Variants in ENTPD1 observed in about 807,000 individuals in gnomAD.
ENTPD1 encodes the protein ATP diphosphohydrolase.
ENTPD1 carries 33 observed loss-of-function variants against 57.0 expected under a neutral mutation model. The ratio of observed to expected loss-of-function variants is 0.58; its 90% CI spans 0.44 to 0.77. ENTPD1 has a LOEUF of 0.77. ENTPD1 is among the 30% of genes least tolerant of loss of function. The pLI is 0.00. For synonymous variants in ENTPD1, 202 were observed against 218.8 expected, an observed-to-expected ratio of 0.92 and a Z score of 0.68; for missense variants, 501 against 603.4, an observed-to-expected ratio of 0.83 and a Z score of 1.78.
At position 95,819,832 on chromosome 10, in the gene ENTPD1, CA is replaced by C. The variant is rs1247380306; in HGVS notation, c.17-3404del. ...AGGGAAAACAATGACAACACTTTGC[CA>C]TTGGATATTTTGGTAAAATCATTTG... On this transcript the variant is annotated intron_variant, in intron 1 of 9. Coordinates refer to ENST00000371205, the MANE Select transcript of ENTPD1 (RefSeq NM_001776.6). 2.6e-4 allele frequency among the ~76,000 whole-genome samples: 39 copies of C among 152,328 alleles called. 1 individual carries two copies. The highest frequency in any genetic ancestry group is 6.5e-4 in the Admixed American group (10 of 15,302).
At chr10:95,758,664 TA>T (rs2098041603) in intron 1 of ENTPD1, among the ~76,000 whole-genome samples, 1 of 152,200 alleles carries the variant, frequency 6.6e-6, no homozygotes, top group Non-Finnish European at 1.5e-5. Flanking sequence ...AGTGCAATTT[TA>T]TTTTTAGTCT....
chr10:95,841,098 T>A (rs1345009444), intron 3 of ENTPD1, among the ~76,000 whole-genome samples: 2 of 152,176 alleles, frequency 1.3e-5, no homozygotes, highest in African/African-American at 2.4e-5. Context: ...TTAAAAGTTA[T>A]TTTAATGGCC....
At chr10:95,697,100 G>A in the ENTPD1 span, among the ~76,000 whole-genome samples, 94 of 152,316 alleles carry the variant, frequency 6.2e-4, 2 homozygotes, top group East Asian at 0.014. Flanking sequence ...GCATAATAAA[G>A]GCCTTATACA....
At position 95,873,525 on chromosome 10, in the gene ENTPD1, T is replaced by A; in HGVS notation, c.*7142T>A. 1 of 985,432 alleles carries A rather than the reference T, an allele frequency of 1.0e-6. No individual in the cohort carries two copies. The highest frequency in any genetic ancestry group is 1.2e-6 in the Non-Finnish European group (1 of 829,960). 61.0% of individuals were successfully genotyped at this position (985,432 alleles called of 1,614,324 possible). On this transcript the variant is annotated 3_prime_UTR_variant, in exon 10 of 10. Transcript: ENST00000371205. ...CCTCCATGCTCTCAGTAGAGGCCCA[T>A]AGGAAAGAGTAGGTAGGTTATGCCA...
intron 2 of ENTPD1, among the ~76,000 whole-genome samples, chr10:95,824,569 A>G (rs565682937): frequency 6.6e-6 from 1 of 152,330 alleles, no homozygotes; most frequent in South Asian, 2.1e-4. Context: ...GCAAAACTTC[A>G]CTCACAGTTG....
At chr10:95,858,152 A>G (rs934184760) in intron 7 of ENTPD1, among the ~76,000 whole-genome samples, 10 of 144,276 alleles carry the variant, frequency 6.9e-5, no homozygotes, top group Non-Finnish European at 1.4e-4. Flanking sequence ...GCAAGACTCC[A>G]TCTCAAAAAA....
At chr10:95,710,580 A>G (rs1306813432), upstream of ENTPD1, among the ~76,000 whole-genome samples, 1 of 152,232 alleles carries the variant, frequency 6.6e-6, no homozygotes, top group East Asian at 1.9e-4. Flanking sequence ...AGATTAATAA[A>G]CAATGAATAC....
chr10:95,757,619 C>G (rs928019448), intron 1 of ENTPD1, among the ~76,000 whole-genome samples: 5 of 152,066 alleles, frequency 3.3e-5, no homozygotes, highest in Non-Finnish European at 7.4e-5. Flanking sequence ...CTATGAGAAG[C>G]AGGTATTGTT....
chr10:95,798,863 T>C (rs1224974181), intron 1 of ENTPD1, among the ~76,000 whole-genome samples: 3 of 152,230 alleles, frequency 2.0e-5, no homozygotes, highest in African/African-American at 4.8e-5. Flanking sequence ...ATTGTCTGCA[T>C]TGGCCTTCCT....
chr10:95,756,070 T>A (rs751558123), upstream of ENTPD1: 110 of 1,503,010 alleles, frequency 7.3e-5, 1 homozygote, highest in Non-Finnish European at 9.6e-5. Flanking sequence ...AAAGACAGGG[T>A]TTGAGGTTCC....
chr10:95,765,115 T>A (rs981613613), intron 1 of ENTPD1, among the ~76,000 whole-genome samples: 1 of 152,200 alleles, frequency 6.6e-6, no homozygotes, highest in Non-Finnish European at 1.5e-5. Context: ...TTTCCAAAAA[T>A]TTTCTCCCAT....
At chr10:95,818,401 G>C in intron 1 of ENTPD1, among the ~76,000 whole-genome samples, 1 of 152,220 alleles carries the variant, frequency 6.6e-6, no homozygotes, top group East Asian at 1.9e-4. Context: ...AGGTAGACCA[G>C]TGTAGCTTTC....
chr10:95,694,409 A>G, the ENTPD1 span, among the ~76,000 whole-genome samples: 2 of 130,764 alleles, frequency 1.5e-5, no homozygotes, highest in African/African-American at 6.1e-5. Flanking sequence ...TCTCCTCTAA[A>G]TATGGCTTTT....
intron 1 of ENTPD1, among the ~76,000 whole-genome samples, chr10:95,746,346 A>G (rs12358481): frequency 0.27 from 40,860 of 152,000 alleles, 6,329 homozygotes; most frequent in Admixed American, 0.38. Flanking sequence ...AAAGACCTTT[A>G]TTTTATGGAT....
rs1009106080 is a variant in ENTPD1, at chr10:95,868,062, G to A, written c.*1679G>A. ...TGGTTGAGCATTTGTGGTGTACCAC[G>A]CTGTGTGCTCAAGGGTATTACATTC... On this transcript the variant is annotated 3_prime_UTR_variant, in exon 10 of 10. Transcript: ENST00000371205. 1.3e-5 allele frequency: 13 copies of A among 984,254 alleles called. No homozygotes were observed. Among genetic ancestry groups the A allele is most frequent in the Non-Finnish European group, 1.4e-5 (12 of 828,988 alleles). The allele number at this position is 984,254 out of a possible 1,614,324, so 61.0% of individuals were successfully genotyped here.
At chr10:95,713,057 C>T (rs1157893213) in intron 1 of ENTPD1, among the ~76,000 whole-genome samples, 1 of 143,660 alleles carries the variant, frequency 7.0e-6, no homozygotes, top group African/African-American at 2.5e-5. Flanking sequence ...AAAAAATAGG[C>T]TGTGGCGGCA....
intron 1 of ENTPD1, among the ~76,000 whole-genome samples, chr10:95,773,381 G>T (rs1160728209): frequency 6.6e-6 from 1 of 152,132 alleles, no homozygotes; most frequent in Non-Finnish European, 1.5e-5. Context: ...GGATGACTAG[G>T]TGCATTGTCA....
At chr10:95,735,024 G>T (rs2097993093) in intron 1 of ENTPD1, among the ~76,000 whole-genome samples, 1 of 136,554 alleles carries the variant, frequency 7.3e-6, no homozygotes, top group South Asian at 2.5e-4. Flanking sequence ...GATGAAAATA[G>T]ATTTTTTTTT....
At chr10:95,843,554 G>A (rs2098426798) in intron 4 of ENTPD1, among the ~76,000 whole-genome samples, 1 of 152,212 alleles carries the variant, frequency 6.6e-6, no homozygotes, top group Non-Finnish European at 1.5e-5. Context: ...TCACACACCT[G>A]GGAAGTGGTG....
Sources: allele counts gnomAD v4.1 joint callset (sites outside exome capture counted in the v4.1 genomes callset), GRCh38; gene constraint gnomAD v4.1.1; transcripts MANE v1.5; gene names NCBI Gene and HGNC (gene_info 2026-07-23, HGNC 2026-07-21).